USP20: variants seen among roughly 807,000 people sequenced by gnomAD.
USP20 encodes ubiquitin carboxyl-terminal hydrolase 20.
In USP20, 80 loss-of-function variants were observed where a neutral mutation model predicts 124.2. The observed-to-expected ratio is 0.64, with a 90% confidence interval of 0.54 to 0.78. USP20 has a LOEUF of 0.78. USP20 is among the 30% of genes least tolerant of loss of function. USP20 has a pLI of 0.00. For synonymous variants in USP20, 481 were observed against 512.3 expected, an observed-to-expected ratio of 0.94 and a Z score of 0.83; for missense variants, 1,043 against 1,244.4, an observed-to-expected ratio of 0.84 and a Z score of 2.44.
At chr9:129,870,663 A>G in intron 15 of USP20, 116 bp downstream of exon 15, 1 of 1,202,390 alleles carries the variant, frequency 8.3e-7, no homozygotes, top group African/African-American at 1.5e-5. Flanking sequence ...GCCAGGCTAG[A>G]CTTGGCTTCC....
intron 3 of USP20, among the ~76,000 whole-genome samples, chr9:129,853,757 C>T (rs1417275684): frequency 6.6e-6 from 1 of 152,160 alleles, no homozygotes; most frequent in African/African-American, 2.4e-5. Flanking sequence ...CTGGGTTTCT[C>T]TCCACTTCTT....
intron 1 of USP20, among the ~76,000 whole-genome samples, chr9:129,843,474 G>A (rs1443827145): frequency 1.3e-5 from 2 of 151,688 alleles, no homozygotes; most frequent in Admixed American, 6.6e-5. Context: ...AGTGACTCAC[G>A]CCTGTAATCC....
chr9:129,863,834 G>T (rs1218211263), intron 9 of USP20, among the ~76,000 whole-genome samples: 1 of 152,216 alleles, frequency 6.6e-6, no homozygotes, highest in African/African-American at 2.4e-5. Flanking sequence ...AGGGCCAGGC[G>T]CAGTGGCTCA....
intron 9 of USP20, among the ~76,000 whole-genome samples, chr9:129,864,345 T>G (rs2033713648): frequency 6.6e-6 from 1 of 151,636 alleles, no homozygotes; most frequent in East Asian, 1.9e-4. Context: ...TGAGCACTTG[T>G]GGTCCCAGCT....
intron 15 of USP20, among the ~76,000 whole-genome samples, chr9:129,873,080 C>CTTTTTTTT (rs59712662): frequency 0.023 from 1,797 of 78,096 alleles, 21 homozygotes; most frequent in Non-Finnish European, 0.028. Context: ...TTTTCTTCTT[C>CTTTTTTTT]TTTTTTTTTT....
intron 9 of USP20, among the ~76,000 whole-genome samples, chr9:129,864,818 C>T (rs1411803955): frequency 2.0e-5 from 3 of 149,024 alleles, no homozygotes; most frequent in Non-Finnish European, 4.4e-5. Flanking sequence ...TATAATTCCG[C>T]TTGTGTAAGA....
chr9:129,875,240 T>C (rs1319432051), intron 19 of USP20, 70 bp from the exon 20 acceptor site: 7 of 1,478,968 alleles, frequency 4.7e-6, no homozygotes. Context: ...TGCACTGGGA[T>C]GGGGGCTCTG....
rs1491431721 is a variant in USP20, at chr9:129,881,212, A to AG, written c.*765dup. 6.6e-6 allele frequency: 1 copy of AG among 152,274 alleles called. No individual in the cohort carries two copies. Among genetic ancestry groups the AG allele is most frequent in the African/African-American group, 2.4e-5 (1 of 41,460 alleles). 9.4% of individuals were successfully genotyped at this position (152,274 alleles called of 1,614,324 possible). On this transcript the variant is annotated 3_prime_UTR_variant, in exon 26 of 26. Transcript: ENST00000372429. The stretch of plus-strand genomic sequence containing the variant: ...CCACCAGGGAACCGGATGATGAAAC[A>AG]GGGATACCTCACAGCTTGGCCATTT...
At chr9:129,862,798 C>T (rs1443514260) in intron 8 of USP20, among the ~76,000 whole-genome samples, 3 of 140,696 alleles carry the variant, frequency 2.1e-5, no homozygotes, top group East Asian at 4.4e-4. Context: ...CCCAGCTACT[C>T]GGGAGGCTAA....
chr9:129,869,936 TG>T, intron 14 of USP20, 92 bp downstream of exon 14: 1 of 1,502,550 alleles, frequency 6.7e-7, no homozygotes, highest in Non-Finnish European at 9.1e-7. Flanking sequence ...TCCATGCATT[TG>T]GGGAACCAGG....
intron 3 of USP20, 40 bp from the exon 4 acceptor site, chr9:129,856,267 C>G: frequency 6.2e-7 from 1 of 1,606,084 alleles, no homozygotes; most frequent in Non-Finnish European, 8.5e-7. Flanking sequence ...GCAACGGGCT[C>G]CTCATGCCTG....
At position 129,870,502 on chromosome 9, in the gene USP20, C is replaced by G; in HGVS notation, c.1615C>G (p.Leu539Val). ...CTGGTTTTGGGGGCCTGTCGTCACC[C>G]TGGAAGACTGCCTTGCTGCCTTCTT... ...PSWFWGPVVT[L>V]EDCLAAFFAA... The change falls in exon 15 of 26, where the codon CTG becomes GTG. Residue 539 changes from leucine (L) to valine (V), a missense_variant. Transcript: ENST00000372429. 6.2e-7 allele frequency: 1 copy of G among 1,614,170 alleles called. No homozygotes were observed. Among genetic ancestry groups the G allele is most frequent in the Non-Finnish European group, 8.5e-7 (1 of 1,180,030 alleles).
Position 129,879,557 on chromosome 9 carries a change from G to T in USP20, c.2513-16G>T, listed in dbSNP as rs745567691. The T allele has an allele frequency of 1.2e-6, 2 of 1,612,750 alleles. No individual in the cohort carries two copies. The highest frequency in any genetic ancestry group is 1.7e-6 in the Non-Finnish European group (2 of 1,179,584). ...CATGGCAGGGGCTGAACCCGAGCCC[G>T]CTGTGTCTGTTGCAGAGCCCCCCGG... On this transcript the variant is annotated splice_polypyrimidine_tract_variant and intron_variant, in intron 23 of 25. Coordinates refer to ENST00000372429, the MANE Select transcript of USP20 (RefSeq NM_001110303.4). The surrounding 1 kb of genome is among the most constrained non-coding windows in gnomAD (Gnocchi z 4.2).
intron 22 of USP20, among the ~76,000 whole-genome samples, chr9:129,876,811 G>A (rs1395955625): frequency 6.6e-6 from 1 of 152,090 alleles, no homozygotes; most frequent in Non-Finnish European, 1.5e-5. Flanking sequence ...TCTCAGCCTT[G>A]GCTGTGTTAT....
intron 10 of USP20, among the ~76,000 whole-genome samples, chr9:129,865,853 A>G (rs1457033523): frequency 6.6e-6 from 1 of 152,136 alleles, no homozygotes; most frequent in Non-Finnish European, 1.5e-5. Flanking sequence ...AACCCAGGCA[A>G]CCTTGCTGCA....
chr9:129,874,553 C>A, intron 17 of USP20, 23 bp from the exon 18 acceptor site: 1 of 1,610,260 alleles, frequency 6.2e-7, no homozygotes, highest in Non-Finnish European at 8.5e-7. Flanking sequence ...CCTAGATGAC[C>A]GGCGCTCTCT....
At chr9:129,860,543 T>C (rs569666277) in intron 6 of USP20, among the ~76,000 whole-genome samples, 1 of 152,072 alleles carries the variant, frequency 6.6e-6, no homozygotes, top group Non-Finnish European at 1.5e-5. Flanking sequence ...TGGAGCCCAG[T>C]AGTTTGAGAC....
At chr9:129,842,473 A>AGGTACATGGTCAGTGTT (rs2032271395) in intron 1 of USP20, among the ~76,000 whole-genome samples, 1 of 152,126 alleles carries the variant, frequency 6.6e-6, no homozygotes, top group Non-Finnish European at 1.5e-5. Flanking sequence ...GTTCCTAAGG[A>AGGTACATGGTCAGTGTT]GGTACATGGT....
rs375361283 is a variant in USP20 at position 129,874,929 on chromosome 9, C to T, written c.2022C>T (p.Asn674=). 21 of 1,613,898 alleles carry T rather than the reference C, an allele frequency of 1.3e-5. No homozygotes were observed. The highest frequency in any genetic ancestry group is 8.0e-5 in the African/African-American group (6 of 74,932). ...AAGTCCACGAGACGGTGGTGCAGAACGCCGAGGGCTACGTACTCTTCTACA... is the reference window on the plus strand; with the variant it reads ...AAGTCCACGAGACGGTGGTGCAGAATGCCGAGGGCTACGTACTCTTCTACA... The part of the protein sequence containing the change: ...VTEVHETVVQ[N]AEGYVLFYRK... The change falls in exon 19 of 26, where the codon AAC becomes AAT. Residue 674 remains asparagine, a synonymous_variant. Coordinates refer to ENST00000372429, the MANE Select transcript of USP20 (RefSeq NM_001110303.4).
Sources: allele counts gnomAD v4.1 joint callset (sites outside exome capture counted in the v4.1 genomes callset), GRCh38; gene constraint gnomAD v4.1.1; non-coding constraint Gnocchi (gnomAD v3.1); transcripts MANE v1.5; gene names NCBI Gene and HGNC (gene_info 2026-07-23, HGNC 2026-07-21).